Variants in ST6GALNAC3 observed in about 807,000 individuals in gnomAD.
ST6GALNAC3 encodes alpha-N-acetylgalactosaminide alpha-2,6-sialyltransferase 3.
Under a neutral mutation model 32.7 loss-of-function variants are expected in ST6GALNAC3, and 25 were observed. The ratio of observed to expected loss-of-function variants is 0.76; its 90% CI spans 0.56 to 1.07. The LOEUF (loss-of-function observed/expected upper bound fraction) is 1.07. Among genes scored for constraint, ST6GALNAC3 ranks in the 50% least tolerant of loss-of-function variants. The pLI is 0.00. For missense variants in ST6GALNAC3, 355 were observed against 382.4 expected, an observed-to-expected ratio of 0.93 and a Z score of 0.60; for synonymous variants, 129 against 133.1, an observed-to-expected ratio of 0.97 and a Z score of 0.21.
chr1:76,548,783 C>A (rs1028067252), intron 3 of ST6GALNAC3, among the ~76,000 whole-genome samples: 2 of 152,134 alleles, frequency 1.3e-5, no homozygotes, highest in South Asian at 2.1e-4. Flanking sequence ...TCTCCTACCC[C>A]CCATTTACCC....
chr1:76,164,345 A>G (rs1269553883), intron 1 of ST6GALNAC3, among the ~76,000 whole-genome samples: 6 of 152,140 alleles, frequency 3.9e-5, no homozygotes, highest in South Asian at 2.1e-4. Context: ...AGAAACTCCA[A>G]TAGGGCCCTG....
chr1:76,242,395 G>T (rs1286874445), intron 1 of ST6GALNAC3, among the ~76,000 whole-genome samples: 1 of 151,892 alleles, frequency 6.6e-6, no homozygotes, highest in African/African-American at 2.4e-5. Context: ...TAACAGAGCT[G>T]GGAGCAAGTG....
At chr1:76,213,116 C>T (rs1357505146) in intron 1 of ST6GALNAC3, among the ~76,000 whole-genome samples, 2 of 152,168 alleles carry the variant, frequency 1.3e-5, no homozygotes, top group Non-Finnish European at 2.9e-5. Context: ...TCATTTTCCT[C>T]CTGGGCACAT....
At position 76,306,691 on chromosome 1, in the gene ST6GALNAC3, G is replaced by GGGT. The variant is rs1661082357; in HGVS notation, c.19-7113_19-7112insGTG. On this transcript the variant is annotated intron_variant, in intron 1 of 4. Transcript: ENST00000328299. The stretch of plus-strand genomic sequence containing the variant: ...GAGTTTTTTTTTTTGGGGGGCGGGG[G>GGGT]GTGCAGACATTATTGAGAAGTTCAA... Among the ~76,000 whole-genome samples the GGGT allele has an allele frequency of 7.4e-5, 11 of 147,810 alleles. No individual in the cohort carries two copies. The East Asian group carries it at 1.2e-3, about 16-fold the overall frequency.
intron 2 of ST6GALNAC3, among the ~76,000 whole-genome samples, chr1:76,368,376 A>G (rs1469970532): frequency 6.6e-6 from 1 of 151,936 alleles, no homozygotes; most frequent in Admixed American, 6.5e-5. Context: ...GTTTCATGAA[A>G]CATTCCTCCT....
chr1:76,131,718 C>T (rs1649622094), intron 1 of ST6GALNAC3, among the ~76,000 whole-genome samples: 1 of 152,134 alleles, frequency 6.6e-6, no homozygotes, highest in African/African-American at 2.4e-5. Flanking sequence ...CCTGCTTGCA[C>T]CAGGTAATTT....
At chr1:76,366,748 AGAT>A (rs1650406104) in intron 2 of ST6GALNAC3, among the ~76,000 whole-genome samples, 1 of 152,208 alleles carries the variant, frequency 6.6e-6, no homozygotes, top group Non-Finnish European at 1.5e-5. Context: ...TGAAAACAGA[AGAT>A]GATAGCACCA....
At chr1:76,602,444 G>C (rs922745431) in intron 3 of ST6GALNAC3, among the ~76,000 whole-genome samples, 5 of 151,946 alleles carry the variant, frequency 3.3e-5, no homozygotes, top group African/African-American at 1.2e-4. Context: ...AGGGGAATGG[G>C]GAATAGGAGC....
chr1:76,143,391 T>TTG (rs1557651072), intron 1 of ST6GALNAC3, among the ~76,000 whole-genome samples: 3 of 41,332 alleles, frequency 7.3e-5, no homozygotes, highest in Admixed American at 3.9e-4. Context: ...TCTTACCAAG[T>TTG]CGTGTGTGTG....
chr1:76,088,941 G>T (rs1421774509), intron 1 of ST6GALNAC3, among the ~76,000 whole-genome samples: 1 of 152,208 alleles, frequency 6.6e-6, no homozygotes, highest in Non-Finnish European at 1.5e-5. Flanking sequence ...GGAGCTGGAA[G>T]AGATAATACA....
chr1:76,220,457 T>A (rs1486932), intron 1 of ST6GALNAC3, among the ~76,000 whole-genome samples: 92,129 of 152,130 alleles, frequency 0.61, 31,759 homozygotes, highest in East Asian at 0.87. Context: ...ATTGAGACAA[T>A]CATTCCATTT....
intron 1 of ST6GALNAC3, among the ~76,000 whole-genome samples, chr1:76,167,579 A>G (rs1026245025): frequency 2.0e-5 from 3 of 152,108 alleles, no homozygotes; most frequent in Admixed American, 6.5e-5. Flanking sequence ...CAGCTCATCT[A>G]TGTACATCTG....
Position 76,627,484 on chromosome 1 carries a change from G to A in ST6GALNAC3, c.656G>A (p.Trp219Ter), listed in dbSNP as rs1649043662. The A allele has an allele frequency of 6.2e-7, 1 of 1,612,512 alleles. No individual in the cohort carries two copies. Among genetic ancestry groups the A allele is most frequent in the African/African-American group, 1.3e-5 (1 of 74,756 alleles). ...TCTGGCTCATATCTCAGCACAGGGT[G>A]GTTTACCTTCCTTCTGGCCATGGAC... Reference protein sequence around the residue: ...VQSGSYLSTGWFTFLLAMDAC... With the variant: ...VQSGSYLSTG The change falls in exon 4 of 5, where the codon TGG becomes TAG. Residue 219 changes from tryptophan (W) to a stop codon, truncating the protein, a stop_gained. Transcript: ENST00000328299. LOFTEE classifies it high-confidence loss of function.
intron 3 of ST6GALNAC3, among the ~76,000 whole-genome samples, chr1:76,623,312 C>A (rs1414665590): frequency 1.3e-5 from 2 of 151,888 alleles, no homozygotes; most frequent in Admixed American, 6.6e-5. Flanking sequence ...CAGAGCCTGA[C>A]CGGTAAAATC....
At chr1:76,293,531 A>G (rs1660215437) in intron 1 of ST6GALNAC3, among the ~76,000 whole-genome samples, 1 of 152,236 alleles carries the variant, frequency 6.6e-6, no homozygotes, top group Non-Finnish European at 1.5e-5. Context: ...ACTGGTTAAT[A>G]GAAACACTCA....
At chr1:76,493,765 T>C (rs1660640223) in intron 3 of ST6GALNAC3, among the ~76,000 whole-genome samples, 1 of 152,170 alleles carries the variant, frequency 6.6e-6, no homozygotes, top group Non-Finnish European at 1.5e-5. Flanking sequence ...CACTTTGTCA[T>C]TTTAACATGC....
At chr1:76,441,470 T>A (rs1455306715) in intron 3 of ST6GALNAC3, among the ~76,000 whole-genome samples, 1 of 152,106 alleles carries the variant, frequency 6.6e-6, no homozygotes, top group African/African-American at 2.4e-5. Flanking sequence ...CAGATCTGAT[T>A]TTTTTTCATT....
chr1:76,326,776 G>T (rs115786214), intron 2 of ST6GALNAC3, among the ~76,000 whole-genome samples: 481 of 145,882 alleles, frequency 3.3e-3, no homozygotes, highest in African/African-American at 0.012. Flanking sequence ...ATGTTTTCCT[G>T]CATTTGGTTG....
chr1:76,290,425 G>A (rs1007934788), intron 1 of ST6GALNAC3, among the ~76,000 whole-genome samples: 7 of 152,208 alleles, frequency 4.6e-5, no homozygotes, highest in Non-Finnish European at 1.0e-4. Context: ...CCCATGGAAT[G>A]AATACCTCAT....
Sources: gnomAD v4.1 joint callset for allele counts (sites outside exome capture counted in the v4.1 genomes callset) on GRCh38, gnomAD v4.1.1 for gene constraint, MANE v1.5 for transcripts, NCBI Gene and HGNC (gene_info 2026-07-23, HGNC 2026-07-21) for gene names.